SLC39A11: variants seen among roughly 807,000 people sequenced by gnomAD.
SLC39A11 encodes the protein zinc transporter ZIP11.
Under a neutral mutation model 36.1 loss-of-function variants are expected in SLC39A11, and 33 were observed. The observed-to-expected ratio is 0.91, with a 90% CI of 0.69 to 1.22. The LOEUF is 1.22. SLC39A11 is among the 50% of genes most tolerant of loss of function. The probability of loss-of-function intolerance (pLI) is 0.00; values close to 1 mark genes in which losing one functional copy is unlikely to be tolerated. For synonymous variants in SLC39A11, 166 were observed against 170.3 expected (o/e 0.97, Z 0.20); for missense variants, 432 against 430.3 (o/e 1.00, Z -0.03).
chr17:72,948,026 T>A (rs970110004), intron 4 of SLC39A11, 151 bp from the exon 5 acceptor site: 61 of 909,308 alleles, frequency 6.7e-5, no homozygotes, highest in Non-Finnish European at 9.5e-5. Flanking sequence ...TGCCAGGCCA[T>A]GCTGGGTCTT....
At chr17:72,871,310 C>T (rs918894376) in intron 5 of SLC39A11, among the ~76,000 whole-genome samples, 5 of 152,076 alleles carry the variant, frequency 3.3e-5, no homozygotes, top group African/African-American at 1.2e-4. Flanking sequence ...AATCCACCCA[C>T]CTCAGCCTCC....
intron 6 of SLC39A11, among the ~76,000 whole-genome samples, chr17:72,738,960 T>C (rs1320199629): frequency 2.6e-5 from 4 of 152,038 alleles, no homozygotes; most frequent in African/African-American, 7.2e-5. Flanking sequence ...TGCTCACCTG[T>C]GATGCACTCC....
intron 4 of SLC39A11, among the ~76,000 whole-genome samples, chr17:73,004,065 G>A (rs144977020): frequency 1.3e-5 from 2 of 150,850 alleles, no homozygotes; most frequent in Non-Finnish European, 1.5e-5. Context: ...CAGCCTGGGC[G>A]ACAGAGCAAG....
Position 72,797,224 on chromosome 17 carries a change from A to G in SLC39A11, c.601+52410T>C, listed in dbSNP as rs148506915. Reference sequence around the variant, plus strand: ...GCCATCCAAAGCAGCTCAAGAGGCTATGCTAGTGTTAATAATAATAAATAA... The same window carrying G: ...GCCATCCAAAGCAGCTCAAGAGGCTGTGCTAGTGTTAATAATAATAAATAA... On this transcript the variant is annotated intron_variant, in intron 6 of 9. Transcript: ENST00000255559. Among the ~76,000 whole-genome samples, 333 of 152,244 alleles carry G rather than the reference A, an allele frequency of 2.2e-3. 6 individuals carry two copies. The highest frequency in any genetic ancestry group is 7.4e-3 in the African/African-American group (308 of 41,500).
chr17:72,934,665 C>T (rs1343271736), intron 5 of SLC39A11, among the ~76,000 whole-genome samples: 1 of 152,036 alleles, frequency 6.6e-6, no homozygotes, highest in African/African-American at 2.4e-5. Context: ...CACTCCATCT[C>T]AAAATAAAAA....
At chr17:73,005,482 T>C (rs2090129886) in intron 4 of SLC39A11, among the ~76,000 whole-genome samples, 1 of 152,178 alleles carries the variant, frequency 6.6e-6, no homozygotes, top group South Asian at 2.1e-4. Flanking sequence ...CACAATTAAT[T>C]TGGAGGCTGC....
chr17:72,903,247 C>A (rs191334500), intron 5 of SLC39A11, among the ~76,000 whole-genome samples: 195 of 120,566 alleles, frequency 1.6e-3, no homozygotes, highest in African/African-American at 6.2e-3. Flanking sequence ...GCCTGGGCAA[C>A]AGAGCAAGAC....
At chr17:72,729,453 ATATATTT>A (rs1422939487) in intron 7 of SLC39A11, among the ~76,000 whole-genome samples, 1 of 6,578 alleles carries the variant, frequency 1.5e-4, no homozygotes, top group Non-Finnish European at 3.0e-4. Flanking sequence ...ATATATATAT[ATATATTT>A]TTTTTTTTTT....
chr17:73,035,133 TTTTTTGTTTTTGTTTTTG>T (rs202063562), intron 3 of SLC39A11, among the ~76,000 whole-genome samples: 1 of 152,016 alleles, frequency 6.6e-6, no homozygotes, highest in Non-Finnish European at 1.5e-5. Flanking sequence ...ATTCTTTTTG[TTTTTTGTTTTTGTTTTTG>T]TTTTTGTTTC....
At chr17:72,770,591 C>T (rs746404356) in intron 6 of SLC39A11, among the ~76,000 whole-genome samples, 88 of 152,338 alleles carry the variant, frequency 5.8e-4, no homozygotes, top group Non-Finnish European at 9.3e-4. Flanking sequence ...CTCCTGCTCC[C>T]TCCCCTTGGT....
At chr17:73,046,499 G>A (rs575043245) in intron 3 of SLC39A11, among the ~76,000 whole-genome samples, 2 of 152,196 alleles carry the variant, frequency 1.3e-5, no homozygotes, top group East Asian at 3.9e-4. Context: ...AAAAATACAG[G>A]ATGAACAGTT....
chr17:72,938,555 A>AC (rs1361223082), intron 5 of SLC39A11, among the ~76,000 whole-genome samples: 1 of 152,194 alleles, frequency 6.6e-6, no homozygotes, highest in Admixed American at 6.5e-5. Context: ...CCAACGTGCC[A>AC]CCCTGTTGCA....
At chr17:72,863,769 C>T (rs774058651) in intron 5 of SLC39A11, among the ~76,000 whole-genome samples, 7 of 152,176 alleles carry the variant, frequency 4.6e-5, no homozygotes, top group Non-Finnish European at 1.0e-4. Flanking sequence ...TGGCAACGCA[C>T]GAGCAACCAG....
chr17:72,904,173 G>A (rs754433400), intron 5 of SLC39A11, among the ~76,000 whole-genome samples: 13 of 152,294 alleles, frequency 8.5e-5, no homozygotes, highest in East Asian at 1.9e-4. Context: ...TGGCACACAC[G>A]TGCAGTCCCA....
chr17:73,047,200 G>A (rs1360287432), intron 3 of SLC39A11, among the ~76,000 whole-genome samples: 2 of 151,424 alleles, frequency 1.3e-5, no homozygotes, highest in Non-Finnish European at 2.9e-5. Flanking sequence ...AATTTTTTGT[G>A]TTTTTAGCAC....
chr17:72,937,893 T>C (rs1479998735), intron 5 of SLC39A11, among the ~76,000 whole-genome samples: 1 of 152,128 alleles, frequency 6.6e-6, no homozygotes, highest in Non-Finnish European at 1.5e-5. Flanking sequence ...CATGCACTTC[T>C]CTCCTCTGCC....
rs553205883 is a variant in SLC39A11, at chr17:73,072,123, C to A, written c.147+12685G>T. The A allele has an allele frequency of 4.6e-5, 7 of 152,310 alleles. 1 individual carries two copies. The South Asian group carries it at 1.5e-3, about 32-fold the overall frequency. The allele number at this position is 152,310 out of a possible 1,614,324, so 9.4% of individuals were successfully genotyped here. On this transcript the variant is annotated intron_variant, in intron 3 of 9. Coordinates refer to ENST00000255559, the MANE Select transcript of SLC39A11 (RefSeq NM_139177.4). The stretch of plus-strand genomic sequence containing the variant: ...AACTGAATCTCTAGGCCCTTATTAA[C>A]CTTCTGCCCATCAATCACATATACT...
chr17:72,746,946 C>T (rs866330327), intron 6 of SLC39A11, among the ~76,000 whole-genome samples: 18 of 151,588 alleles, frequency 1.2e-4, no homozygotes, highest in African/African-American at 4.1e-4. Flanking sequence ...ACTCAGGAGG[C>T]TGAGGAGGAA....
At position 72,894,541 on chromosome 17, in the gene SLC39A11, G is replaced by A. The variant is rs928345924; in HGVS notation, c.431-44737C>T. On this transcript the variant is annotated intron_variant, in intron 5 of 9. Coordinates refer to ENST00000255559, the MANE Select transcript of SLC39A11 (RefSeq NM_139177.4). ...AAAAATTAGCCGGGTGTGGTGGCAC[G>A]CACCTGTATTTCCAGCTACTTGGGA... Among the ~76,000 whole-genome samples the A allele has an allele frequency of 1.3e-4, 19 of 147,774 alleles. No homozygotes were observed. In the Middle Eastern group the frequency reaches 0.011, roughly 83 times the overall value.
Sources: allele counts gnomAD v4.1 joint callset (sites outside exome capture counted in the v4.1 genomes callset), GRCh38; gene constraint gnomAD v4.1.1; transcripts MANE v1.5; gene names NCBI Gene and HGNC (gene_info 2026-07-23, HGNC 2026-07-21).